OSMR: variants seen among roughly 807,000 people sequenced by gnomAD.
The protein encoded by OSMR is oncostatin-M-specific receptor subunit beta.
OSMR carries 81 observed loss-of-function variants against 99.9 expected under a neutral mutation model. The ratio of observed to expected loss-of-function variants is 0.81; its 90% CI spans 0.68 to 0.97. The LOEUF (loss-of-function observed/expected upper bound fraction) is 0.97, where lower values mean the gene tolerates loss of function less well. OSMR is among the 50% of genes least tolerant of loss of function. The probability of loss-of-function intolerance (pLI) is 0.00; values close to 1 mark genes in which losing one functional copy is unlikely to be tolerated. For synonymous variants in OSMR, 406 were observed against 410.4 expected (o/e 0.99, Z 0.13); for missense variants, 1,099 against 1,153.4 (o/e 0.95, Z 0.68).
chr5:38,854,876 C>T (rs1055808763), intron 1 of OSMR, among the ~76,000 whole-genome samples: 2 of 150,094 alleles, frequency 1.3e-5, no homozygotes, highest in African/African-American at 4.9e-5. Context: ...TATTTTTTCC[C>T]TTTCTAAATT....
At chr5:38,865,551 CT>C (rs1741870151) in intron 1 of OSMR, among the ~76,000 whole-genome samples, 1 of 152,216 alleles carries the variant, frequency 6.6e-6, no homozygotes, top group South Asian at 2.1e-4. Flanking sequence ...GCTTAGGCTG[CT>C]GTTGTTAGTG....
intron 7 of OSMR, among the ~76,000 whole-genome samples, chr5:38,894,828 G>A (rs1934218475): frequency 1.3e-5 from 2 of 151,944 alleles, no homozygotes; most frequent in South Asian, 4.1e-4. Context: ...AGAAATTCTG[G>A]ACTTACATTC....
At chr5:38,912,928 G>A (rs1417772715) in intron 9 of OSMR, among the ~76,000 whole-genome samples, 1 of 152,056 alleles carries the variant, frequency 6.6e-6, no homozygotes, top group Non-Finnish European at 1.5e-5. Flanking sequence ...AAATTAACTC[G>A]AGATGAATTA....
chr5:38,853,290 C>T (rs559398086), intron 1 of OSMR, among the ~76,000 whole-genome samples: 1 of 152,262 alleles, frequency 6.6e-6, no homozygotes, highest in African/African-American at 2.4e-5. Flanking sequence ...ATAAAATTAA[C>T]ATTAACTGGG....
At position 38,934,681 on chromosome 5, in the gene OSMR, T is replaced by G. The variant is rs1384082403; in HGVS notation, c.*1237T>G. 2 of 152,070 alleles carry G rather than the reference T, an allele frequency of 1.3e-5. No homozygotes were observed. The highest frequency in any genetic ancestry group is 2.4e-5 in the African/African-American group (1 of 41,484). 9.4% of individuals were successfully genotyped at this position (152,070 alleles called of 1,614,324 possible). On this transcript the variant is annotated 3_prime_UTR_variant, in exon 18 of 18. Transcript: ENST00000274276. ...TACCACACCTGACTAGTTTTTATAT[T>G]TTTAGTAGAGATTGGGTTTTACCAT...
chr5:38,868,680 G>C (rs942790453), intron 1 of OSMR, among the ~76,000 whole-genome samples: 1 of 152,202 alleles, frequency 6.6e-6, no homozygotes, highest in Non-Finnish European at 1.5e-5. Context: ...CCCAGTCTCA[G>C]ATATGTCTTT....
chr5:38,853,663 T>G (rs1442102786), intron 1 of OSMR, among the ~76,000 whole-genome samples: 1 of 152,238 alleles, frequency 6.6e-6, no homozygotes, highest in Non-Finnish European at 1.5e-5. Context: ...AGTTTTTCAT[T>G]TTTTTATTTG....
chr5:38,935,878 A>AAAT (rs1319515502), downstream of OSMR, among the ~76,000 whole-genome samples: 8 of 152,324 alleles, frequency 5.3e-5, no homozygotes, highest in East Asian at 5.8e-4. Flanking sequence ...AGTCTTTCTG[A>AAAT]AATATAACAA....
At chr5:38,869,470 T>G (rs758185597) in intron 2 of OSMR, among the ~76,000 whole-genome samples, 4 of 152,236 alleles carry the variant, frequency 2.6e-5, no homozygotes, top group Non-Finnish European at 5.9e-5. Context: ...GAAAAGACAC[T>G]GGATATACCA....
chr5:38,919,211 G>A lies in OSMR; in HGVS notation c.1585+149G>A, dbSNP rs778765448. 3.9e-6 allele frequency: 6 copies of A among 1,535,244 alleles called. No homozygotes were observed. The Middle Eastern group carries it at 5.0e-4, about 129-fold the overall frequency. On this transcript the variant is annotated intron_variant, in intron 11 of 17. Transcript: ENST00000274276. Reference sequence around the variant, plus strand: ...AGTCATTTTCTTTTGGGCCAGGTGTGTCAACGTGTTTCAGTGGGACAGTCC... The same window carrying A: ...AGTCATTTTCTTTTGGGCCAGGTGTATCAACGTGTTTCAGTGGGACAGTCC...
chr5:38,853,875 A>G (rs1156499065), intron 1 of OSMR, among the ~76,000 whole-genome samples: 3 of 152,094 alleles, frequency 2.0e-5, no homozygotes, highest in Admixed American at 1.3e-4. Flanking sequence ...GGTGTGGGGG[A>G]CGGACATGAA....
rs1460166342 is a variant in OSMR, at chr5:38,933,392, A to G, written c.2888A>G (p.Asn963Ser). Residue 963 changes from asparagine to serine, a missense_variant, in exon 18 of 18, where the codon AAT becomes AGT. Asn to Ser is a conservative substitution (Grantham distance 46, BLOSUM62 1). Coordinates refer to ENST00000274276, the MANE Select transcript of OSMR (RefSeq NM_003999.3). The stretch of plus-strand genomic sequence containing the variant: ...CTTGCCTTGCCTCCCCCGACCGAGA[A>G]TAGCAGCCTCTCCTCAATTACCCTT... Reference protein sequence around the residue: ...LRLALPPPTENSSLSSITLLD... With the variant: ...LRLALPPPTESSSLSSITLLD... The G allele has an allele frequency of 1.9e-6, 3 of 1,614,022 alleles. No homozygotes were observed. The highest frequency in any genetic ancestry group is 2.5e-6 in the Non-Finnish European group (3 of 1,180,004).
chr5:38,932,365 C>T (rs1037157104), intron 16 of OSMR, 98 bp from the exon 17 acceptor site: 8 of 864,576 alleles, frequency 9.3e-6, no homozygotes, highest in Admixed American at 3.6e-5. Flanking sequence ...TAAGTTACAA[C>T]GCAAGGATTA....
At position 38,919,447 on chromosome 5, in the gene OSMR, T is replaced by C. The variant is rs991762807; in HGVS notation, c.1585+385T>C. The C allele has an allele frequency of 4.5e-6, 4 of 893,722 alleles. No individual in the cohort carries two copies. The African/African-American group carries it at 6.9e-5, about 16-fold the overall frequency. The allele number at this position is 893,722 out of a possible 1,614,324, so 55.4% of individuals were successfully genotyped here. A position where few individuals can be genotyped will look rare whatever the true frequency, so the allele number is the denominator to read the frequency against. ...ACTATTTTGTAAAAAGTGTTGTCAG[T>C]CTTTGCACCTGGAAAGAGTCCATGA... is the stretch of plus-strand genomic sequence containing the variant. On this transcript the variant is annotated intron_variant, in intron 11 of 17. Coordinates refer to ENST00000274276, the MANE Select transcript of OSMR (RefSeq NM_003999.3).
chr5:38,880,993 A>G (rs888618186), intron 3 of OSMR, among the ~76,000 whole-genome samples: 2 of 152,196 alleles, frequency 1.3e-5, no homozygotes, highest in African/African-American at 4.8e-5. Flanking sequence ...GATGGAGCCC[A>G]AGAGATGGAG....
intron 4 of OSMR, 75 bp downstream of exon 4, chr5:38,881,839 A>C: frequency 7.4e-7 from 1 of 1,345,724 alleles, no homozygotes; most frequent in Non-Finnish European, 1.1e-6. Flanking sequence ...CAAATAGTGG[A>C]AATCTCCTTT....
chr5:38,913,046 G>C (rs1034382346), intron 9 of OSMR, among the ~76,000 whole-genome samples: 8 of 152,006 alleles, frequency 5.3e-5, no homozygotes, highest in African/African-American at 1.7e-4. Flanking sequence ...GTCTTCAAAA[G>C]AAATTGCAAC....
At chr5:38,860,310 A>G (rs1053382598) in intron 1 of OSMR, among the ~76,000 whole-genome samples, 2 of 152,216 alleles carry the variant, frequency 1.3e-5, no homozygotes, top group Non-Finnish European at 2.9e-5. Flanking sequence ...CCTTTTCTGC[A>G]TCTATTGAGA....
intron 7 of OSMR, among the ~76,000 whole-genome samples, chr5:38,898,297 A>G (rs1177727034): frequency 6.6e-6 from 1 of 152,176 alleles, no homozygotes; most frequent in African/African-American, 2.4e-5. Context: ...TTGTGTATAT[A>G]TTTATAATTG....
Sources: allele counts gnomAD v4.1 joint callset (sites outside exome capture counted in the v4.1 genomes callset), GRCh38; gene constraint gnomAD v4.1.1; transcripts MANE v1.5; gene names NCBI Gene and HGNC (gene_info 2026-07-23, HGNC 2026-07-21).